Variants in HCRTR2 observed in about 807,000 individuals in gnomAD.
HCRTR2 encodes hypocretin receptor 2.
Under a neutral mutation model 49.0 loss-of-function variants are expected in HCRTR2, and 22 were observed. That is an observed-to-expected ratio of 0.45 (90% CI 0.32 to 0.64). The LOEUF is 0.64. Among genes scored for constraint, HCRTR2 ranks in the 30% least tolerant of loss-of-function variants. The probability of loss-of-function intolerance (pLI) is 0.04; values close to 1 mark genes in which losing one functional copy is unlikely to be tolerated. For missense variants in HCRTR2, 491 were observed against 559.4 expected (o/e 0.88, Z 1.23); for synonymous variants, 236 against 205.3 (o/e 1.15, Z -1.28).
At chr6:55,174,853 C>G (rs758195059) in intron 1 of HCRTR2, 43 bp downstream of exon 1, 3 of 1,516,456 alleles carry the variant, frequency 2.0e-6, no homozygotes, top group Non-Finnish European at 1.8e-6. Flanking sequence ...CTATCACCCC[C>G]TCTCCGCCCC....
chr6:55,174,462 G>A (rs1290862394), upstream of HCRTR2: 1 of 834,080 alleles, frequency 1.2e-6, no homozygotes, highest in South Asian at 1.4e-5. Context: ...AACTTTTCAC[G>A]TCATTTTCTG....
intron 1 of HCRTR2, among the ~76,000 whole-genome samples, chr6:55,138,439 G>T (rs1260722423): frequency 1.3e-5 from 2 of 152,196 alleles, no homozygotes; most frequent in African/African-American, 2.4e-5. Flanking sequence ...GACACTATTA[G>T]TTCCTTGAAT....
At chr6:55,144,499 T>A (rs1254462970) in intron 1 of HCRTR2, among the ~76,000 whole-genome samples, 2 of 152,140 alleles carry the variant, frequency 1.3e-5, no homozygotes, top group African/African-American at 4.8e-5. Flanking sequence ...TCCCCAAACT[T>A]CTTGGTACCA....
At chr6:55,233,629 A>G (rs1415099400) in intron 1 of HCRTR2, among the ~76,000 whole-genome samples, 1 of 152,118 alleles carries the variant, frequency 6.6e-6, no homozygotes, top group Non-Finnish European at 1.5e-5. Flanking sequence ...TACAGAGAAG[A>G]GGTTACAATG....
intron 1 of HCRTR2, among the ~76,000 whole-genome samples, chr6:55,166,579 C>T (rs1451254960): frequency 1.3e-5 from 2 of 152,002 alleles, no homozygotes; most frequent in African/African-American, 4.8e-5. Flanking sequence ...ATGTGGAAAC[C>T]TTGAAACCTT....
At chr6:55,173,483 T>C (rs1764980877), upstream of HCRTR2, among the ~76,000 whole-genome samples, 1 of 152,220 alleles carries the variant, frequency 6.6e-6, no homozygotes, top group East Asian at 1.9e-4. Context: ...TGAATTCACA[T>C]TCTGACAAAT....
chr6:55,246,837 C>T (rs1195353563), intron 1 of HCRTR2, among the ~76,000 whole-genome samples: 2 of 152,024 alleles, frequency 1.3e-5, no homozygotes, highest in African/African-American at 4.8e-5. Context: ...GAACAAGGCA[C>T]AGCACATAGT....
chr6:55,257,138 T>C (rs1209431254), intron 3 of HCRTR2, among the ~76,000 whole-genome samples: 1 of 152,086 alleles, frequency 6.6e-6, no homozygotes, highest in Non-Finnish European at 1.5e-5. Flanking sequence ...ACTTGTAGTT[T>C]CTGGAACATA....
intron 1 of HCRTR2, chr6:55,106,572 T>A (rs1763968847): frequency 6.6e-6 from 1 of 152,134 alleles, no homozygotes; most frequent in Non-Finnish European, 1.5e-5. Context: ...ATTTACTCTA[T>A]ATTTTTTCTA....
intron 1 of HCRTR2, among the ~76,000 whole-genome samples, chr6:55,204,051 C>A (rs1238815191): frequency 1.3e-5 from 2 of 152,232 alleles, no homozygotes; most frequent in East Asian, 1.9e-4. Flanking sequence ...ATTTAACACA[C>A]AAGCCTGTTA....
intron 1 of HCRTR2, among the ~76,000 whole-genome samples, chr6:55,151,340 C>CTGCCACA (rs1313269164): frequency 3.9e-5 from 6 of 152,116 alleles, no homozygotes; most frequent in African/African-American, 1.4e-4. Flanking sequence ...ACTGCTTTAT[C>CTGCCACA]AACTAAGTTT....
At chr6:55,174,890 C>A in intron 1 of HCRTR2, 80 bp downstream of exon 1, 1 of 1,083,744 alleles carries the variant, frequency 9.2e-7, no homozygotes, top group Non-Finnish European at 1.4e-6. Flanking sequence ...AAAGAGACCC[C>A]TCCCTCCCCC....
At chr6:55,182,941 G>C (rs1406264321) in intron 1 of HCRTR2, among the ~76,000 whole-genome samples, 1 of 152,178 alleles carries the variant, frequency 6.6e-6, no homozygotes, top group African/African-American at 2.4e-5. Flanking sequence ...CATAGACTCA[G>C]AACAAGATAA....
intron 1 of HCRTR2, among the ~76,000 whole-genome samples, chr6:55,199,372 A>G (rs1432600728): frequency 6.6e-6 from 1 of 151,992 alleles, no homozygotes; most frequent in Non-Finnish European, 1.5e-5. Context: ...GGATTGAATT[A>G]TTTTAGGAAT....
intron 1 of HCRTR2, among the ~76,000 whole-genome samples, chr6:55,200,329 A>G (rs1765491642): frequency 6.8e-6 from 1 of 146,934 alleles, no homozygotes; most frequent in Non-Finnish European, 1.5e-5. Flanking sequence ...CAATGGTGGG[A>G]TCTTGGCTCA....
At chr6:55,159,046 T>C (rs554295360) in intron 1 of HCRTR2, among the ~76,000 whole-genome samples, 10 of 152,198 alleles carry the variant, frequency 6.6e-5, no homozygotes, top group Non-Finnish European at 1.3e-4. Flanking sequence ...AGACACCTCA[T>C]ACAGGAGAGC....
At chr6:55,160,549 TAG>T (rs2062753251) in intron 1 of HCRTR2, among the ~76,000 whole-genome samples, 1 of 152,120 alleles carries the variant, frequency 6.6e-6, no homozygotes, top group Non-Finnish European at 1.5e-5. Context: ...GCAAATTGGA[TAG>T]AGAGTCAAGA....
chr6:55,162,273 A>G (rs547331441), intron 1 of HCRTR2, among the ~76,000 whole-genome samples: 19 of 152,160 alleles, frequency 1.2e-4, no homozygotes, highest in Non-Finnish European at 1.0e-4. Context: ...AAAGGCCTTC[A>G]ACAAAATTTA....
At chr6:55,126,753 C>T (rs537770833) in intron 1 of HCRTR2, among the ~76,000 whole-genome samples, 1 of 152,254 alleles carries the variant, frequency 6.6e-6, no homozygotes, top group African/African-American at 2.4e-5. Context: ...GGGCTGCTGC[C>T]TTATTTTCAG....
Sources: gnomAD v4.1 joint callset for allele counts (sites outside exome capture counted in the v4.1 genomes callset) on GRCh38, gnomAD v4.1.1 for gene constraint, MANE v1.5 for transcripts, NCBI Gene and HGNC (gene_info 2026-07-23, HGNC 2026-07-21) for gene names.